SCAF4: variants seen among roughly 807,000 people sequenced by gnomAD.
SCAF4 encodes SR-related CTD associated factor 4.
SCAF4 carries 25 observed loss-of-function variants against 129.8 expected under a neutral mutation model. The ratio of observed to expected loss-of-function variants is 0.19; its 90% CI spans 0.14 to 0.27. The LOEUF is 0.27. Ranked by LOEUF, SCAF4 falls within the 10% of genes least tolerant of loss-of-function variation. The pLI is 1.00. For missense variants in SCAF4, 1,246 were observed against 1,457.1 expected (o/e 0.86, Z 2.36); for synonymous variants, 551 against 497.7 (o/e 1.11, Z -1.43).
chr21:31,687,591 T>C (rs2050156546), intron 16 of SCAF4, among the ~76,000 whole-genome samples: 1 of 152,166 alleles, frequency 6.6e-6, no homozygotes, highest in Non-Finnish European at 1.5e-5. Context: ...TATGAAGTTT[T>C]CAATCCATTT....
chr21:31,676,320 G>C (rs2049854752), intron 19 of SCAF4, among the ~76,000 whole-genome samples: 2 of 152,086 alleles, frequency 1.3e-5, no homozygotes, highest in Admixed American at 1.3e-4. Flanking sequence ...CCTCTTTCCA[G>C]GTTATTCTCT....
At chr21:31,727,172 G>T (rs2051226543) in intron 1 of SCAF4, among the ~76,000 whole-genome samples, 2 of 151,926 alleles carry the variant, frequency 1.3e-5, no homozygotes, top group African/African-American at 4.8e-5. Flanking sequence ...TCTGCCTCCA[G>T]GGTTCAAACA....
chr21:31,671,134 A>G lies in SCAF4; in HGVS notation c.*265T>C. On this transcript the variant is annotated 3_prime_UTR_variant, in exon 20 of 20. Transcript: ENST00000286835. The stretch of plus-strand genomic sequence containing the variant: ...AAAAAAAAAAAAAAAAATAGAGAGC[A>G]CTTCTAATTACGATTTGTAAACTTT... 2 of 334,408 alleles carry G rather than the reference A, an allele frequency of 6.0e-6. No homozygotes were observed. Among genetic ancestry groups the G allele is most frequent in the East Asian group, 5.0e-5 (1 of 20,114 alleles). The allele number at this position is 334,408 out of a possible 1,614,324, so 20.7% of individuals were successfully genotyped here.
At chr21:31,687,686 A>G (rs886831888) in intron 16 of SCAF4, among the ~76,000 whole-genome samples, 25 of 148,428 alleles carry the variant, frequency 1.7e-4, no homozygotes, top group Non-Finnish European at 2.6e-4. Flanking sequence ...TACATATCCA[A>G]GTTTCTTCAG....
At chr21:31,711,809 G>T (rs757344382) in intron 1 of SCAF4, among the ~76,000 whole-genome samples, 8 of 152,068 alleles carry the variant, frequency 5.3e-5, no homozygotes, top group Non-Finnish European at 1.5e-5. Flanking sequence ...TTGAACCCAA[G>T]AATTTTTTAA....
At chr21:31,695,005 G>A (rs376300648) in intron 9 of SCAF4, 25 bp from the exon 10 acceptor site, 17 of 1,573,962 alleles carry the variant, frequency 1.1e-5, no homozygotes, top group Non-Finnish European at 1.4e-5. Context: ...GAAAGTGTAT[G>A]AGTAATAGCT....
chr21:31,730,027 T>A (rs1250022234), intron 1 of SCAF4, among the ~76,000 whole-genome samples: 1 of 152,272 alleles, frequency 6.6e-6, no homozygotes, highest in African/African-American at 2.4e-5. Context: ...CTGAAATAAA[T>A]TTTTAAAATA....
intron 1 of SCAF4, among the ~76,000 whole-genome samples, chr21:31,711,244 G>C (rs1473382880): frequency 6.6e-6 from 1 of 152,178 alleles, no homozygotes; most frequent in Non-Finnish European, 1.5e-5. Context: ...TTGGAGGTTT[G>C]CAAAATCACC....
At chr21:31,711,804 C>G (rs906229295) in intron 1 of SCAF4, among the ~76,000 whole-genome samples, 2 of 151,894 alleles carry the variant, frequency 1.3e-5, no homozygotes, top group African/African-American at 2.4e-5. Flanking sequence ...AGGAGTTGAA[C>G]CCAAGAATTT....
intron 16 of SCAF4, among the ~76,000 whole-genome samples, chr21:31,687,656 C>T (rs2050157900): frequency 6.6e-6 from 1 of 152,024 alleles, no homozygotes; most frequent in South Asian, 2.1e-4. Context: ...CCCTGTCCCT[C>T]AAAGCAGCAG....
intron 5 of SCAF4, 84 bp downstream of exon 5, chr21:31,702,160 T>C (rs2050548084): frequency 1.9e-6 from 3 of 1,547,574 alleles, no homozygotes; most frequent in African/African-American, 1.4e-5. Flanking sequence ...TATAGAAAAA[T>C]TCCTTCAATA....
chr21:31,696,621 G>A lies in SCAF4; in HGVS notation c.907C>T (p.Pro303Ser). The stretch of plus-strand genomic sequence containing the variant: ...GCAGCAGCGGGTGCAGCAGCAGCAG[G>A]CACGGTGGCGGTGGGTGCAGGGGGT... ...AVPPAPTATVPAAAAPAAASP... is the reference protein window; with the variant it reads ...AVPPAPTATVSAAAAPAAASP... The change falls in exon 8 of 20, where the codon CCT becomes TCT. Residue 303 changes from proline to serine, a missense_variant. This residue lies in a region of SCAF4 where 236 missense variants were observed against 210.0 expected (regional missense o/e 1.12). Transcript: ENST00000286835. The A allele has an allele frequency of 6.2e-7, 1 of 1,613,242 alleles. No homozygotes were observed. The highest frequency in any genetic ancestry group is 1.1e-5 in the South Asian group (1 of 91,046).
chr21:31,718,505 A>G (rs73201534), intron 1 of SCAF4, among the ~76,000 whole-genome samples: 1 of 152,090 alleles, frequency 6.6e-6, no homozygotes, highest in East Asian at 1.9e-4. Context: ...CATGTTAGCC[A>G]GGATGGTTTC....
chr21:31,691,077 G>A (rs2050249896), intron 14 of SCAF4, 124 bp from the exon 15 acceptor site: 1 of 657,952 alleles, frequency 1.5e-6, no homozygotes, highest in African/African-American at 1.8e-5. Context: ...GGACCAGCTA[G>A]GCTTGGATCT....
rs199756479 is a variant in SCAF4, at chr21:31,671,826, C to G, written c.3017G>C (p.Gly1006Ala). The G allele has an allele frequency of 1.9e-6, 3 of 1,614,170 alleles. No homozygotes were observed. The highest frequency in any genetic ancestry group is 8.5e-7 in the Non-Finnish European group (1 of 1,180,006). The change falls in exon 20 of 20, where the codon GGA becomes GCA. Residue 1006 changes from glycine to alanine, a missense_variant. Physicochemically the swap from Gly to Ala is moderately conservative, Grantham distance 60. Around this residue, in one of 6 missense-constraint regions of SCAF4, gnomAD observed 339 missense variants for 325.0 expected, o/e 1.04. Transcript: ENST00000286835. The stretch of plus-strand genomic sequence containing the variant: ...TTCCCGGTCATTTTCCACCCTATTT[C>G]CAAAAGATCTTCTTCCAAACCTTTC... The part of the protein sequence containing the change: ...DQERFGRRSF[G>A]NRVENDRERY...
chr21:31,710,588 G>A (rs1568855758), intron 1 of SCAF4, among the ~76,000 whole-genome samples: 1 of 152,020 alleles, frequency 6.6e-6, no homozygotes, highest in Non-Finnish European at 1.5e-5. Flanking sequence ...CCACAAAACA[G>A]AAGAACAACA....
chr21:31,682,196 T>C (rs1458844868), intron 19 of SCAF4, among the ~76,000 whole-genome samples: 2 of 152,074 alleles, frequency 1.3e-5, no homozygotes, highest in East Asian at 1.9e-4. Flanking sequence ...CTGGCCAACA[T>C]GGTGAAACCC....
At chr21:31,679,351 A>T (rs1190274003) in intron 19 of SCAF4, among the ~76,000 whole-genome samples, 1 of 151,918 alleles carries the variant, frequency 6.6e-6, no homozygotes, top group African/African-American at 2.4e-5. Context: ...TTTTTTTTTA[A>T]TCAGCAAGTA....
chr21:31,692,818 G>C (rs2050291171), intron 12 of SCAF4, among the ~76,000 whole-genome samples: 1 of 152,148 alleles, frequency 6.6e-6, no homozygotes, highest in South Asian at 2.1e-4. Flanking sequence ...TCAGTGCTTT[G>C]TTCACTTGCA....
Sources: allele counts gnomAD v4.1 joint callset (sites outside exome capture counted in the v4.1 genomes callset), GRCh38; gene constraint gnomAD v4.1.1; regional missense constraint gnomAD v4.1.1; transcripts MANE v1.5; gene names NCBI Gene and HGNC (gene_info 2026-07-23, HGNC 2026-07-21).